The following MED15 variants were observed in gnomAD, a reference collection of about 807,000 sequenced individuals.
MED15 encodes the protein mediator of RNA polymerase II transcription subunit 15.
MED15 carries 41 observed loss-of-function variants against 118.7 expected under a neutral mutation model. That is an observed-to-expected ratio of 0.35 (90% confidence interval 0.27 to 0.45). The LOEUF is 0.45. MED15 is among the 20% of genes least tolerant of loss of function. The probability of loss-of-function intolerance (pLI) is 1.00; values close to 1 mark genes in which losing one functional copy is unlikely to be tolerated. For missense variants in MED15, 740 were observed against 1,025.5 expected, an observed-to-expected ratio of 0.72 and a Z score of 3.80; for synonymous variants, 436 against 413.9, an observed-to-expected ratio of 1.05 and a Z score of -0.65.
chr22:20,580,894 C>T (rs373162065), intron 9 of MED15, among the ~76,000 whole-genome samples: 26 of 152,310 alleles, frequency 1.7e-4, no homozygotes, highest in African/African-American at 6.3e-4. Context: ...CGAGAATCAC[C>T]GCGAGCCATT....
intron 9 of MED15, 136 bp downstream of exon 9, chr22:20,575,368 C>CA: frequency 1.1e-6 from 1 of 882,886 alleles, no homozygotes. Flanking sequence ...CCCACAGTCC[C>CA]TTTTTTTTTT....
In MED15 at chr22:20,558,111, A is replaced by G. The variant is rs539018245; in HGVS notation, c.451+2963A>G. Among the ~76,000 whole-genome samples the G allele has an allele frequency of 1.2e-4, 18 of 151,664 alleles. No homozygotes were observed. In the South Asian group the frequency reaches 3.3e-3, roughly 28 times the overall value. ...CAGAGCGAGACTCTGTCTCAAAAGA[A>G]AAAAGAAAAAGTTACAGTGGATTCT... On this transcript the variant is annotated intron_variant, in intron 5 of 17. Transcript: ENST00000263205.
chr22:20,583,247 G>A lies in MED15; in HGVS notation c.1672G>A (p.Asp558Asn). The change falls in exon 12 of 18, where the codon GAC (aspartate) becomes AAC (asparagine). Residue 558 changes from aspartate to asparagine, a missense_variant and splice_region_variant. Transcript: ENST00000263205. ...GATCAACAAGATCGACAAGAACGAA[G>A]GTAGGCTGCAGCCAGGGCAGGGGCC... ...RMINKIDKNE[D>N]RKKDLSKMKS... 1 of 1,611,710 alleles carries A rather than the reference G, an allele frequency of 6.2e-7. No individual in the cohort carries two copies. Among genetic ancestry groups the A allele is most frequent in the South Asian group, 1.1e-5 (1 of 91,046 alleles).
chr22:20,535,112 C>G (rs1466852680), intron 1 of MED15, among the ~76,000 whole-genome samples: 1 of 152,092 alleles, frequency 6.6e-6, no homozygotes, highest in Non-Finnish European at 1.5e-5. Context: ...TGCCTGCCAC[C>G]ACACCCGACT....
Position 20,586,746 on chromosome 22 carries a change from GAC to G in MED15, c.*47_*48del. The G allele has an allele frequency of 6.2e-7, 1 of 1,605,856 alleles. No homozygotes were observed. Among genetic ancestry groups the G allele is most frequent in the Non-Finnish European group, 8.5e-7 (1 of 1,177,576 alleles). On this transcript the variant is annotated 3_prime_UTR_variant, in exon 18 of 18. Transcript: ENST00000263205. ...GGCCCGCAGCCTCATCGGGGCCAAG[GAC>G]ACACGCCTCCTGTCAGACACTTCTA...
chr22:20,555,955 T>C (rs1199863892), intron 5 of MED15, among the ~76,000 whole-genome samples: 1 of 152,174 alleles, frequency 6.6e-6, no homozygotes, highest in Non-Finnish European at 1.5e-5. Flanking sequence ...ACTCCTGGGC[T>C]CAAGCGATCT....
chr22:20,563,420 A>G (rs934823075), intron 5 of MED15, among the ~76,000 whole-genome samples: 1 of 152,240 alleles, frequency 6.6e-6, no homozygotes, highest in African/African-American at 2.4e-5. Flanking sequence ...AAAAAGGTTC[A>G]TACTGTATGG....
At chr22:20,512,567 G>A (rs551076894) in intron 1 of MED15, among the ~76,000 whole-genome samples, 7 of 150,620 alleles carry the variant, frequency 4.6e-5, no homozygotes, top group Admixed American at 2.0e-4. Context: ...GTATTTTCTT[G>A]GGGGCTGTGT....
At chr22:20,584,257 A>C in intron 13 of MED15, 102 bp from the exon 14 acceptor site, 1 of 1,201,762 alleles carries the variant, frequency 8.3e-7, no homozygotes, top group Non-Finnish European at 1.2e-6. Flanking sequence ...GAGCTCCTGC[A>C]GAGGTTTCTG....
At chr22:20,533,919 C>T (rs892318973) in intron 1 of MED15, among the ~76,000 whole-genome samples, 1 of 152,198 alleles carries the variant, frequency 6.6e-6, no homozygotes, top group Non-Finnish European at 1.5e-5. Context: ...TAGATCTTGT[C>T]TCTCTGACTG....
intron 5 of MED15, 77 bp from the exon 6 acceptor site, chr22:20,564,373 G>C: frequency 6.4e-7 from 1 of 1,573,774 alleles, no homozygotes. Context: ...TGGCTGTTTT[G>C]TCCCTTGCTG....
At chr22:20,560,911 G>A (rs1342820023) in intron 5 of MED15, among the ~76,000 whole-genome samples, 1 of 152,098 alleles carries the variant, frequency 6.6e-6, no homozygotes, top group East Asian at 1.9e-4. Flanking sequence ...GCTGTGAAGA[G>A]TTAAAATAGA....
intron 5 of MED15, among the ~76,000 whole-genome samples, chr22:20,560,039 G>A (rs2056172787): frequency 6.6e-6 from 1 of 152,106 alleles, no homozygotes; most frequent in Admixed American, 6.5e-5. Flanking sequence ...CACTACTGTG[G>A]GGGTGCTGCT....
chr22:20,567,620 C>T (rs2056489902), intron 7 of MED15, among the ~76,000 whole-genome samples: 1 of 152,202 alleles, frequency 6.6e-6, no homozygotes. Flanking sequence ...ACTGTGCAGA[C>T]TGAAACCCTT....
intron 3 of MED15, among the ~76,000 whole-genome samples, chr22:20,552,927 A>G (rs2055837570): frequency 6.6e-6 from 1 of 152,128 alleles, no homozygotes; most frequent in Admixed American, 6.5e-5. Context: ...CTAAGGCCCC[A>G]GGTTGACCCT....
chr22:20,568,411 C>T (rs1298238688), intron 7 of MED15, 110 bp from the exon 8 acceptor site: 1 of 1,466,674 alleles, frequency 6.8e-7, no homozygotes, highest in African/African-American at 1.4e-5. Context: ...TCATGAAAGT[C>T]CCATTCCTCA....
chr22:20,559,488 G>C (rs1252799620), intron 5 of MED15, among the ~76,000 whole-genome samples: 1 of 152,178 alleles, frequency 6.6e-6, no homozygotes, highest in Non-Finnish European at 1.5e-5. Flanking sequence ...CAAATGGAGA[G>C]AATGGAAGAA....
In MED15 at chr22:20,546,240, C is replaced by T. The variant is rs530472538; in HGVS notation, c.157-5196C>T. Among the ~76,000 whole-genome samples, 6 of 152,292 alleles carry T rather than the reference C, an allele frequency of 3.9e-5. No homozygotes were observed. The East Asian group carries it at 1.2e-3, about 29-fold the overall frequency. On this transcript the variant is annotated intron_variant, in intron 2 of 17. Coordinates refer to ENST00000263205, the MANE Select transcript of MED15 (RefSeq NM_001003891.3). The stretch of plus-strand genomic sequence containing the variant: ...TCTCCCAAGCTGCTGATTCATCCTG[C>T]CTGCCCCCTCCTTCTTATGAACTGG...
chr22:20,512,000 T>C (rs988604598), intron 1 of MED15, among the ~76,000 whole-genome samples: 1 of 145,174 alleles, frequency 6.9e-6, no homozygotes, highest in Non-Finnish European at 1.5e-5. Flanking sequence ...TTTTTTTTTT[T>C]TTTTTGGAGA....
Sources: allele counts gnomAD v4.1 joint callset (sites outside exome capture counted in the v4.1 genomes callset), GRCh38; gene constraint gnomAD v4.1.1; transcripts MANE v1.5; gene names NCBI Gene and HGNC (gene_info 2026-07-23, HGNC 2026-07-21).